KCNK12: variants seen among roughly 807,000 people sequenced by gnomAD.
The protein encoded by KCNK12 is potassium two pore domain channel subfamily K member 12.
Under a neutral mutation model 25.3 loss-of-function variants are expected in KCNK12, and 6 were observed. The observed-to-expected ratio is 0.24, with a 90% CI of 0.13 to 0.47. The LOEUF is 0.47. Among genes scored for constraint, KCNK12 ranks in the 20% least tolerant of loss-of-function variants. KCNK12 has a pLI of 0.99. For synonymous variants in KCNK12, 331 were observed against 311.1 expected, an observed-to-expected ratio of 1.06 and a Z score of -0.67; for missense variants, 444 against 661.7, an observed-to-expected ratio of 0.67 and a Z score of 3.61.
chr2:47,550,997 T>G (rs986000021), intron 1 of KCNK12, among the ~76,000 whole-genome samples: 1 of 152,172 alleles, frequency 6.6e-6, no homozygotes, highest in Non-Finnish European at 1.5e-5. Context: ...TCCCTGCTTT[T>G]TTTAACCTAA....
At chr2:47,535,649 C>G (rs780418354) in intron 1 of KCNK12, among the ~76,000 whole-genome samples, 36 of 152,138 alleles carry the variant, frequency 2.4e-4, no homozygotes, top group Non-Finnish European at 4.9e-4. Flanking sequence ...CAGAGCAGCT[C>G]CTGGGGGAGG....
At chr2:47,530,498 C>G (rs1668896148) in intron 1 of KCNK12, among the ~76,000 whole-genome samples, 1 of 152,164 alleles carries the variant, frequency 6.6e-6, no homozygotes. Context: ...GGAGAAGTCA[C>G]TACTGAGGAC....
At chr2:47,543,002 C>T (rs549042268) in intron 1 of KCNK12, among the ~76,000 whole-genome samples, 5 of 152,304 alleles carry the variant, frequency 3.3e-5, no homozygotes, top group South Asian at 2.1e-4. Context: ...ACAATCATAA[C>T]GCGCTACAGC....
chr2:47,559,281 C>G (rs1023458529), intron 1 of KCNK12, among the ~76,000 whole-genome samples: 5 of 152,194 alleles, frequency 3.3e-5, no homozygotes, highest in African/African-American at 4.8e-5. Context: ...AGCATTAAAG[C>G]AACGGCCCAG....
chr2:47,510,822 G>C lies in KCNK12; in HGVS notation c.*10085C>G, dbSNP rs1323014009. On this transcript the variant is annotated 3_prime_UTR_variant, in exon 2 of 2. Coordinates refer to ENST00000327876, the MANE Select transcript of KCNK12 (RefSeq NM_022055.2). ...ATGAAGAATAGCTTATTCTTTGCCA[G>C]GTTGAAGATAGAAAAGGAATGAAGG... 6.6e-6 allele frequency: 1 copy of C among 152,230 alleles called. No individual in the cohort carries two copies. The allele number at this position is 152,230 out of a possible 1,614,324, so 9.4% of individuals were successfully genotyped here.
rs72872832 is a variant in KCNK12 at position 47,556,979 on chromosome 2, T to C, written c.391+12962A>G. Among the ~76,000 whole-genome samples the C allele has an allele frequency of 0.025, 3,859 of 152,218 alleles. 149 individuals are homozygous for C. Among genetic ancestry groups the C allele is most frequent in the African/African-American group, 0.088 (3,667 of 41,502 alleles). ...GGTGGGATGGAAAGAAATATGGTTATAGATGAGATGGTTAAGGAGCCCAGT... is the reference window on the plus strand; with the variant it reads ...GGTGGGATGGAAAGAAATATGGTTACAGATGAGATGGTTAAGGAGCCCAGT... On this transcript the variant is annotated intron_variant, in intron 1 of 1. Coordinates refer to ENST00000327876, the MANE Select transcript of KCNK12 (RefSeq NM_022055.2). This position sits in a 1 kb window ranked among gnomAD's most constrained non-coding sequence, Gnocchi z 4.8.
intron 1 of KCNK12, among the ~76,000 whole-genome samples, chr2:47,549,636 G>A (rs1024239888): frequency 6.6e-6 from 1 of 152,030 alleles, no homozygotes; most frequent in Non-Finnish European, 1.5e-5. Flanking sequence ...AGAATATCTC[G>A]AGATGAAAAA....
intron 1 of KCNK12, among the ~76,000 whole-genome samples, chr2:47,539,357 A>G (rs1054930657): frequency 7.2e-5 from 11 of 152,186 alleles, no homozygotes; most frequent in Non-Finnish European, 1.2e-4. Context: ...AGGACTGTTT[A>G]TTAAAAAATT....
rs1572616630 is a variant in KCNK12 at position 47,570,970 on chromosome 2, G to A, written c.-639C>T. ...TCCAGCCGAAGAGCCGCCCGGCAGG[G>A]AGAGGCGGAGTCACTGGCGCCCGGG... On this transcript the variant is annotated 5_prime_UTR_variant, in exon 1 of 2. Transcript: ENST00000327876. 6.6e-6 allele frequency: 1 copy of A among 152,358 alleles called. No homozygotes were observed. Among genetic ancestry groups the A allele is most frequent in the East Asian group, 1.9e-4 (1 of 5,146 alleles). The allele number at this position is 152,358 out of a possible 1,614,324, so 9.4% of individuals were successfully genotyped here.
intron 1 of KCNK12, among the ~76,000 whole-genome samples, chr2:47,561,488 A>T (rs1237740531): frequency 6.6e-6 from 1 of 152,210 alleles, no homozygotes; most frequent in Non-Finnish European, 1.5e-5. Context: ...GGTGCCACAC[A>T]GCAGGGGGGC....
chr2:47,537,641 T>G (rs1669105617), intron 1 of KCNK12, among the ~76,000 whole-genome samples: 2 of 152,246 alleles, frequency 1.3e-5, no homozygotes, highest in Non-Finnish European at 2.9e-5. Context: ...GATTTTCATT[T>G]TAAGTTTCTT....
At chr2:47,523,318 A>G (rs1300595018) in intron 1 of KCNK12, among the ~76,000 whole-genome samples, 1 of 152,174 alleles carries the variant, frequency 6.6e-6, no homozygotes, top group African/African-American at 2.4e-5. Flanking sequence ...GAGACTGAGC[A>G]TGGCTCTGCC....
intron 1 of KCNK12, among the ~76,000 whole-genome samples, chr2:47,532,513 C>G (rs1668956247): frequency 6.6e-6 from 1 of 152,184 alleles, no homozygotes; most frequent in African/African-American, 2.4e-5. Context: ...AGGCACCCAC[C>G]ACCACACCTG....
chr2:47,545,043 C>T (rs1163155404), intron 1 of KCNK12, among the ~76,000 whole-genome samples: 1 of 152,148 alleles, frequency 6.6e-6, no homozygotes, highest in Non-Finnish European at 1.5e-5. Context: ...GAATTAAAGA[C>T]CACTCGTTTT....
rs1668562972 is a variant in KCNK12, at chr2:47,517,930, A to G, written c.*2977T>C. On this transcript the variant is annotated 3_prime_UTR_variant, in exon 2 of 2. Transcript: ENST00000327876. This position sits in a 1 kb window ranked among gnomAD's most constrained non-coding sequence, Gnocchi z 4.1. ...GATGGGTAAGTCCAGGCCTAAGGTTAGGAAGCAAATCCTGGAGCATGAGGA... is the reference window on the plus strand; with the variant it reads ...GATGGGTAAGTCCAGGCCTAAGGTTGGGAAGCAAATCCTGGAGCATGAGGA... 1 of 152,268 alleles carries G rather than the reference A, an allele frequency of 6.6e-6. No homozygotes were observed. The highest frequency in any genetic ancestry group is 2.1e-4 in the South Asian group (1 of 4,828). 9.4% of individuals were successfully genotyped at this position (152,268 alleles called of 1,614,324 possible).
Position 47,557,744 on chromosome 2 carries a change from C to G in KCNK12, c.391+12197G>C, listed in dbSNP as rs1047481748. On this transcript the variant is annotated intron_variant, in intron 1 of 1. Transcript: ENST00000327876. This position sits in a 1 kb window ranked among gnomAD's most constrained non-coding sequence, Gnocchi z 4.9. ...GAGGCCCGAACAACTCCAATCAGTA[C>G]AGGTGTATGACCCACTTCAGCTCTT... 2.6e-5 allele frequency among the ~76,000 whole-genome samples: 4 copies of G among 152,148 alleles called. No individual in the cohort carries two copies. Among genetic ancestry groups the G allele is most frequent in the African/African-American group, 7.2e-5 (3 of 41,418 alleles).
chr2:47,554,548 C>T (rs1440185109), intron 1 of KCNK12, among the ~76,000 whole-genome samples: 6 of 152,100 alleles, frequency 3.9e-5, no homozygotes, highest in Non-Finnish European at 7.4e-5. Context: ...GTAAGTCCAG[C>T]GTGGCTGTAG....
intron 1 of KCNK12, among the ~76,000 whole-genome samples, chr2:47,539,906 C>A (rs1669160069): frequency 6.6e-6 from 1 of 152,136 alleles, no homozygotes; most frequent in African/African-American, 2.4e-5. Context: ...GTGACTTGCC[C>A]ACGTATGAGT....
At chr2:47,546,629 C>T (rs1289314626) in intron 1 of KCNK12, among the ~76,000 whole-genome samples, 1 of 152,180 alleles carries the variant, frequency 6.6e-6, no homozygotes, top group Non-Finnish European at 1.5e-5. Context: ...TGCACTCCAG[C>T]CTGGGTGACA....
Sources: allele counts gnomAD v4.1 joint callset (sites outside exome capture counted in the v4.1 genomes callset), GRCh38; gene constraint gnomAD v4.1.1; non-coding constraint Gnocchi (gnomAD v3.1); transcripts MANE v1.5; gene names NCBI Gene and HGNC (gene_info 2026-07-23, HGNC 2026-07-21).